The following CAMTA1 variants were observed in gnomAD, a reference collection of about 807,000 sequenced individuals.
CAMTA1 encodes the protein calmodulin-binding transcription activator 1.
A neutral mutation model predicts 170.9 loss-of-function variants in CAMTA1; 27 were observed. That is an observed-to-expected ratio of 0.16 (90% CI 0.12 to 0.22). The LOEUF (loss-of-function observed/expected upper bound fraction) is 0.22, where lower values mean the gene tolerates loss of function less well. Among genes scored for constraint, CAMTA1 ranks in the 10% least tolerant of loss-of-function variants. The pLI, the probability that CAMTA1 is intolerant of heterozygous loss-of-function variation, is 1.00. For missense variants in CAMTA1, 1,619 were observed against 2,217.2 expected, an observed-to-expected ratio of 0.73 and a Z score of 5.42; for synonymous variants, 833 against 891.5, an observed-to-expected ratio of 0.93 and a Z score of 1.17.
intron 1 of CAMTA1, 89 bp from the exon 2 acceptor site, chr1:6,820,092 G>T: frequency 1.3e-6 from 1 of 782,164 alleles, no homozygotes. Flanking sequence ...ATTAGATTCA[G>T]GTTTTGCATC....
At chr1:7,542,638 C>T (rs978632357) in intron 6 of CAMTA1, among the ~76,000 whole-genome samples, 26 of 79,902 alleles carry the variant, frequency 3.3e-4, no homozygotes, top group Non-Finnish European at 5.5e-4. Flanking sequence ...GCTGGGATTA[C>T]AGGTGTGTGC....
At chr1:6,802,730 C>G (rs1470979760) in intron 1 of CAMTA1, among the ~76,000 whole-genome samples, 1 of 151,304 alleles carries the variant, frequency 6.6e-6, no homozygotes, top group Non-Finnish European at 1.5e-5. Context: ...TTCTTTGTCT[C>G]TCTCTCTCTC....
Position 7,144,223 on chromosome 1 carries a change from A to G in CAMTA1, c.302+52852A>G, listed in dbSNP as rs927487969. On this transcript the variant is annotated intron_variant, in intron 4 of 22. Coordinates refer to ENST00000303635, the MANE Select transcript of CAMTA1 (RefSeq NM_015215.4). The surrounding 1 kb of genome is among the most constrained non-coding windows in gnomAD (Gnocchi z 4.0). ...GACTGCCTTCTTGCTATGTCCTCAGATGGCCTTTTCTAAGTGTGTGTGTGT... is the reference window on the plus strand; with the variant it reads ...GACTGCCTTCTTGCTATGTCCTCAGGTGGCCTTTTCTAAGTGTGTGTGTGT... 1.3e-5 allele frequency among the ~76,000 whole-genome samples: 2 copies of G among 151,382 alleles called. No individual in the cohort carries two copies. Among genetic ancestry groups the G allele is most frequent in the Non-Finnish European group, 2.9e-5 (2 of 67,988 alleles).
intron 5 of CAMTA1, among the ~76,000 whole-genome samples, chr1:7,310,679 TCTCTCTCTCTCTCTCTCTCTCTC>T (rs1676491662): frequency 1.1e-4 from 2 of 18,880 alleles, no homozygotes; most frequent in African/African-American, 2.1e-4. Flanking sequence ...TTCCTTTCTT[TCTCTCTCTCTCTCTCTCTCTCTC>T]TTTCTTTCTT....
At chr1:7,271,677 C>G (rs1040709578) in intron 5 of CAMTA1, among the ~76,000 whole-genome samples, 4 of 149,470 alleles carry the variant, frequency 2.7e-5, no homozygotes, top group East Asian at 2.0e-4. Context: ...AATATGAGAC[C>G]CCAAAAAGGG....
At chr1:7,529,256 C>T (rs2094464130) in intron 6 of CAMTA1, among the ~76,000 whole-genome samples, 1 of 152,100 alleles carries the variant, frequency 6.6e-6, no homozygotes, top group Non-Finnish European at 1.5e-5. Context: ...GGCAGGCTTG[C>T]TCAAGGTCCC....
In CAMTA1 at chr1:7,098,084, G is replaced by C. The variant is rs141060411; in HGVS notation, c.302+6713G>C. ...TCAGGTATTCAGCTGGGCAGGATTGGCTGGGGTGGACGAATTGTGTGTGTG... is the reference window on the plus strand; with the variant it reads ...TCAGGTATTCAGCTGGGCAGGATTGCCTGGGGTGGACGAATTGTGTGTGTG... On this transcript the variant is annotated intron_variant, in intron 4 of 22. Transcript: ENST00000303635. 6.3e-3 allele frequency among the ~76,000 whole-genome samples: 946 copies of C among 149,600 alleles called. 13 individuals are homozygous for C. Among genetic ancestry groups the C allele is most frequent in the African/African-American group, 0.022 (876 of 40,640 alleles).
intron 3 of CAMTA1, among the ~76,000 whole-genome samples, chr1:6,839,243 A>T (rs1654659717): frequency 6.6e-6 from 1 of 151,978 alleles, no homozygotes; most frequent in African/African-American, 2.4e-5. Flanking sequence ...TTAGCTGGGC[A>T]TGGTGGCATG....
intron 6 of CAMTA1, among the ~76,000 whole-genome samples, chr1:7,589,654 C>T (rs1576267809): frequency 6.6e-6 from 1 of 152,142 alleles, no homozygotes; most frequent in Admixed American, 6.5e-5. Context: ...GTTTGCTCCA[C>T]GTTCTAGGAA....
chr1:7,602,879 G>A (rs2095458019), intron 6 of CAMTA1, among the ~76,000 whole-genome samples: 1 of 152,232 alleles, frequency 6.6e-6, no homozygotes, highest in Non-Finnish European at 1.5e-5. Context: ...TGGTTTCAAA[G>A]AGCATCTTTA....
At chr1:6,855,140 A>G (rs115801316) in intron 3 of CAMTA1, among the ~76,000 whole-genome samples, 167 of 152,278 alleles carry the variant, frequency 1.1e-3, no homozygotes, top group African/African-American at 3.9e-3. Flanking sequence ...ATAATAAGCT[A>G]GGTTGCAAGA....
At chr1:7,467,986 T>C (rs2093251942) in intron 6 of CAMTA1, 85 bp downstream of exon 6, 2 of 1,116,848 alleles carry the variant, frequency 1.8e-6, no homozygotes, top group Non-Finnish European at 1.3e-6. Flanking sequence ...GGGCTCCGCA[T>C]GCGACACGGC....
intron 6 of CAMTA1, among the ~76,000 whole-genome samples, chr1:7,604,403 T>G (rs1293850935): frequency 5.9e-5 from 9 of 152,222 alleles, no homozygotes; most frequent in Non-Finnish European, 1.0e-4. Flanking sequence ...TTCTCTAAAC[T>G]TCTTTTCTCG....
At chr1:7,202,761 G>C (rs982099500) in intron 4 of CAMTA1, among the ~76,000 whole-genome samples, 4 of 152,058 alleles carry the variant, frequency 2.6e-5, no homozygotes, top group African/African-American at 9.7e-5. Flanking sequence ...TTGTTCATTA[G>C]TTCTCATAGT....
chr1:7,756,124 G>GTT (rs563031574), intron 22 of CAMTA1, among the ~76,000 whole-genome samples: 2 of 145,334 alleles, frequency 1.4e-5, no homozygotes, highest in African/African-American at 5.0e-5. Context: ...TCGTACTAGG[G>GTT]TTTTTTTTTT....
chr1:7,468,588 G>A (rs2093266464), intron 6 of CAMTA1, among the ~76,000 whole-genome samples: 1 of 152,236 alleles, frequency 6.6e-6, no homozygotes, highest in Non-Finnish European at 1.5e-5. Flanking sequence ...GGGCGGGAAG[G>A]TCTGAGGGAT....
chr1:7,664,418 C>T lies in CAMTA1; in HGVS notation c.1871C>T (p.Pro624Leu). Residue 624 changes from proline to leucine, a missense_variant, in exon 9 of 23, where the codon CCC becomes CTC. Pro to Leu is a moderately conservative substitution (Grantham distance 98, BLOSUM62 -3). This residue lies in a region of CAMTA1 where 731 missense variants were observed against 907.6 expected (regional missense o/e 0.81). Transcript: ENST00000303635. ...TTCTTCCTGCAGGACGCCAGCAAAC[C>T]CCTCCCCGTCGAGCAGAACACCCAC... ...PSFFLQDASK[P>L]LPVEQNTHSS... 6.2e-7 allele frequency: 1 copy of T among 1,613,492 alleles called. No individual in the cohort carries two copies. The highest frequency in any genetic ancestry group is 1.1e-5 in the South Asian group (1 of 91,078).
At chr1:6,805,792 T>C (rs796721785) in intron 1 of CAMTA1, among the ~76,000 whole-genome samples, 5 of 152,328 alleles carry the variant, frequency 3.3e-5, no homozygotes, top group African/African-American at 1.2e-4. Flanking sequence ...ATTACAAGTA[T>C]GAGCTGCTGT....
chr1:7,307,991 T>C (rs1216344170), intron 5 of CAMTA1, among the ~76,000 whole-genome samples: 2 of 152,022 alleles, frequency 1.3e-5, no homozygotes, highest in Non-Finnish European at 2.9e-5. Flanking sequence ...GAGAATTTTT[T>C]TTTTCAGAAA....
Sources: gnomAD v4.1 joint callset for allele counts (sites outside exome capture counted in the v4.1 genomes callset) on GRCh38, gnomAD v4.1.1 for gene constraint, gnomAD v4.1.1 regional missense constraint, Gnocchi (gnomAD v3.1) non-coding constraint, MANE v1.5 for transcripts, NCBI Gene and HGNC (gene_info 2026-07-23, HGNC 2026-07-21) for gene names.